The following GSE1 variants were observed in gnomAD, a reference collection of about 807,000 sequenced individuals.
The protein encoded by GSE1 is genetic suppressor element 1.
GSE1 carries 32 observed loss-of-function variants against 112.6 expected under a neutral mutation model. That is an observed-to-expected ratio of 0.28 (90% CI 0.21 to 0.38). The LOEUF (loss-of-function observed/expected upper bound fraction) is 0.38. GSE1 is among the 10% of genes least tolerant of loss of function. The pLI is 1.00. For missense variants in GSE1, 2,348 were observed against 1,699.2 expected, an observed-to-expected ratio of 1.38 and a Z score of -6.71; for synonymous variants, 1,115 against 735.6, an observed-to-expected ratio of 1.52 and a Z score of -8.35.
At chr16:85,534,160 C>T (rs1238590718) in intron 2 of GSE1, among the ~76,000 whole-genome samples, 2 of 147,408 alleles carry the variant, frequency 1.4e-5, no homozygotes, top group East Asian at 2.0e-4. Flanking sequence ...TTTGCTCTGT[C>T]GCCCAGGCTG....
intron 13 of GSE1, 170 bp downstream of exon 13, chr16:85,666,517 A>C: frequency 1.5e-6 from 1 of 666,132 alleles, no homozygotes; most frequent in Non-Finnish European, 2.5e-6. Context: ...TTGTTTGTTT[A>C]TCTCCAAGCT....
intron 1 of GSE1, among the ~76,000 whole-genome samples, chr16:85,313,889 G>A (rs953230103): frequency 6.6e-6 from 1 of 152,080 alleles, no homozygotes. Context: ...GCATCCTGGG[G>A]TGATGTGCTA....
At chr16:85,651,856 C>G (rs1031736236) in intron 3 of GSE1, among the ~76,000 whole-genome samples, 1 of 152,242 alleles carries the variant, frequency 6.6e-6, no homozygotes, top group Non-Finnish European at 1.5e-5. Context: ...AGCTTTAGGC[C>G]TGGTGTTCAT....
At chr16:85,327,115 C>G (rs1279227128) in intron 1 of GSE1, among the ~76,000 whole-genome samples, 2 of 152,206 alleles carry the variant, frequency 1.3e-5, no homozygotes, top group Non-Finnish European at 2.9e-5. Context: ...GGGAGCCTCT[C>G]CCTGGGCAAC....
In GSE1 at chr16:85,666,151, G is replaced by A. The variant is rs1271185479; in HGVS notation, c.2934G>A (p.Glu978=). The A allele has an allele frequency of 1.9e-6, 3 of 1,613,386 alleles. No homozygotes were observed. Among genetic ancestry groups the A allele is most frequent in the African/African-American group, 1.3e-5 (1 of 75,050 alleles). The change falls in exon 13 of 16, where the codon GAG becomes GAA. Residue 978 remains glutamate, a synonymous_variant. Transcript: ENST00000253458. ...GCGGGGAGAAGGCCAGGCTGAGCGA[G>A]GCCCCTGGAGGCAAAAAGAGTCTGA... ...PASGEKARLS[E]APGGKKSLSM...
chr16:85,415,532 A>G (rs1434468327), intron 2 of GSE1, among the ~76,000 whole-genome samples: 3 of 152,204 alleles, frequency 2.0e-5, no homozygotes, highest in Non-Finnish European at 4.4e-5. Context: ...CCCGAAGGCA[A>G]GGCAGATGGC....
At chr16:85,442,913 C>T (rs60643525) in intron 2 of GSE1, among the ~76,000 whole-genome samples, 52,281 of 152,098 alleles carry the variant, frequency 0.34, 9,653 homozygotes, top group South Asian at 0.53. Context: ...CCCTTCCGAG[C>T]TCCGGTGGCC....
intron 3 of GSE1, among the ~76,000 whole-genome samples, chr16:85,653,889 T>C (rs2051663817): frequency 6.6e-6 from 1 of 152,186 alleles, no homozygotes; most frequent in Non-Finnish European, 1.5e-5. Context: ...CAACGGTGTC[T>C]GCTTCCCCGG....
Position 85,656,581 on chromosome 16 carries a change from C to T in GSE1, c.1228C>T (p.Pro410Ser). ...CAAGGCCCTGGAGCCCAGCTTCCTG[C>T]CCGTGGCCGAGCTGCATGGGCTGCG... ...AAKALEPSFL[P>S]VAELHGLRGH... Residue 410 changes from proline (P) to serine (S), a missense_variant, in exon 7 of 16, where the codon CCC becomes TCC. Pro to Ser is a moderately conservative substitution (Grantham distance 74, BLOSUM62 -1). Transcript: ENST00000253458. 6.5e-7 allele frequency: 1 copy of T among 1,547,486 alleles called. No homozygotes were observed. Among genetic ancestry groups the T allele is most frequent in the Non-Finnish European group, 8.7e-7 (1 of 1,145,828 alleles).
intron 2 of GSE1, among the ~76,000 whole-genome samples, chr16:85,417,962 C>T (rs2048742083): frequency 6.6e-6 from 1 of 152,238 alleles, no homozygotes; most frequent in Non-Finnish European, 1.5e-5. Context: ...CCTCAGCCTT[C>T]CGAGTAGCTG....
At chr16:85,611,549 C>T (rs1293778850), upstream of GSE1, 8 of 851,230 alleles carry the variant, frequency 9.4e-6, no homozygotes, top group East Asian at 1.2e-4. Context: ...CCAGTAACGG[C>T]CCGACCCGGC....
chr16:85,573,910 C>G (rs1777021749), intron 1 of GSE1, among the ~76,000 whole-genome samples: 1 of 152,328 alleles, frequency 6.6e-6, no homozygotes, highest in Admixed American at 6.5e-5. Context: ...CTGGGAAGGG[C>G]AGGTGACAGC....
chr16:85,552,574 C>G (rs1396177567), upstream of GSE1, among the ~76,000 whole-genome samples: 3 of 150,754 alleles, frequency 2.0e-5, no homozygotes, highest in Admixed American at 6.7e-5. Flanking sequence ...CCTCGTGATC[C>G]GTCCGTCTCG....
At chr16:85,397,277 G>A (rs954947600) in intron 2 of GSE1, among the ~76,000 whole-genome samples, 1 of 152,226 alleles carries the variant, frequency 6.6e-6, no homozygotes, top group African/African-American at 2.4e-5. Context: ...GTAGACTGGA[G>A]GGCCCAGGGC....
intron 2 of GSE1, among the ~76,000 whole-genome samples, chr16:85,494,969 G>A (rs1453700437): frequency 6.6e-6 from 1 of 151,622 alleles, no homozygotes; most frequent in African/African-American, 2.4e-5. Context: ...CAGGTGGGCT[G>A]TGGAGAGGTC....
chr16:85,242,017 C>G (rs972929383), intron 1 of GSE1, among the ~76,000 whole-genome samples: 1 of 152,132 alleles, frequency 6.6e-6, no homozygotes, highest in East Asian at 1.9e-4. Flanking sequence ...CTCCCTGCTA[C>G]ACCGTCCTGG....
At chr16:85,611,496 C>T (rs1025270833), upstream of GSE1, 7 of 984,604 alleles carry the variant, frequency 7.1e-6, no homozygotes, top group Non-Finnish European at 8.4e-6. Flanking sequence ...GGAAGCAGCA[C>T]CCCCGCGCCG....
rs373045100 is a variant in GSE1, at chr16:85,671,048, C to A, written c.3469C>A (p.Arg1157=). Residue 1157 remains arginine, a synonymous_variant, in exon 15 of 16, where the codon CGG becomes AGG. Coordinates refer to ENST00000253458, the MANE Select transcript of GSE1 (RefSeq NM_014615.5). ...LQTQCRRLEA[R]HYSLSLTAEQ... ...GACACAATGTAGACGACTGGAGGCC[C>A]GGCACTACAGCCTCAGCCTGACGGC... 5 of 1,612,662 alleles carry A rather than the reference C, an allele frequency of 3.1e-6. No individual in the cohort carries two copies. The highest frequency in any genetic ancestry group is 2.2e-5 in the South Asian group (2 of 91,050).
upstream of GSE1, among the ~76,000 whole-genome samples, chr16:85,610,737 T>C (rs963042286): frequency 6.6e-6 from 1 of 152,146 alleles, no homozygotes; most frequent in East Asian, 1.9e-4. Flanking sequence ...GCCTACTGGG[T>C]TGGGAAGGGG....
Sources: allele counts gnomAD v4.1 joint callset (sites outside exome capture counted in the v4.1 genomes callset), GRCh38; gene constraint gnomAD v4.1.1; transcripts MANE v1.5; gene names NCBI Gene and HGNC (gene_info 2026-07-23, HGNC 2026-07-21).